ZNF354C: variants seen among roughly 807,000 people sequenced by gnomAD.
ZNF354C encodes KRAB-zinc finger protein synten.
In ZNF354C, 7 loss-of-function variants were observed where a neutral mutation model predicts 12.4. The ratio of observed to expected loss-of-function variants is 0.56; its 90% CI spans 0.32 to 1.06. The LOEUF is 1.06. ZNF354C is among the 50% of genes least tolerant of loss of function. The probability of loss-of-function intolerance (pLI) is 0.04; values close to 1 mark genes in which losing one functional copy is unlikely to be tolerated. For synonymous variants in ZNF354C, 202 were observed against 224.5 expected (o/e 0.90, Z 0.90); for missense variants, 609 against 658.0 (o/e 0.93, Z 0.81).
chr5:179,061,682 C>T (rs964005906), intron 1 of ZNF354C, among the ~76,000 whole-genome samples: 25 of 152,042 alleles, frequency 1.6e-4, no homozygotes, highest in African/African-American at 6.0e-4. Flanking sequence ...GCTAGCTAGG[C>T]TGGGAAGTGG....
chr5:179,071,647 A>G (rs1057462127), intron 2 of ZNF354C, among the ~76,000 whole-genome samples: 5 of 152,178 alleles, frequency 3.3e-5, no homozygotes, highest in Non-Finnish European at 7.3e-5. Context: ...CAGCACCAAC[A>G]GAATAATCAA....
chr5:179,061,992 C>T, intron 1 of ZNF354C, 23 bp from the exon 2 acceptor site: 1 of 1,546,332 alleles, frequency 6.5e-7, no homozygotes, highest in Non-Finnish European at 8.9e-7. Flanking sequence ...CAGGGTTCCT[C>T]TTGACACCTT....
intron 2 of ZNF354C, among the ~76,000 whole-genome samples, chr5:179,067,115 A>C (rs1375154284): frequency 1.3e-5 from 2 of 152,236 alleles, no homozygotes; most frequent in Non-Finnish European, 2.9e-5. Flanking sequence ...TTAGGAATGC[A>C]GGTGTGTGAG....
rs763240792 is a variant in ZNF354C at position 179,079,299 on chromosome 5, A to ACAT, written c.869_871dup (p.His290dup). The ACAT allele has an allele frequency of 8.7e-6, 14 of 1,614,192 alleles. No homozygotes were observed. Among genetic ancestry groups the ACAT allele is most frequent in the South Asian group, 2.2e-5 (2 of 91,086 alleles). On this transcript the variant is annotated inframe_insertion, in exon 5 of 5. Coordinates refer to ENST00000315475, the MANE Select transcript of ZNF354C (RefSeq NM_014594.3). This position sits in a 1 kb window ranked among gnomAD's most constrained non-coding sequence, Gnocchi z 4.2. ...TTAGCAACAGTTCAACCCTTATCAA[A>ACAT]CATCTGAGAGTGCATACTGGAGAGA...
At position 179,062,005 on chromosome 5, in the gene ZNF354C, T is replaced by TC; in HGVS notation, c.-54-8dup. ...GCCAGGGTTCCTCTTGACACCTTTT[T>TC]CCTCTGCAGACCCACCGTGTCCACA... is the stretch of plus-strand genomic sequence containing the variant. On this transcript the variant is annotated splice_polypyrimidine_tract_variant and intron_variant, in intron 1 of 4. Coordinates refer to ENST00000315475, the MANE Select transcript of ZNF354C (RefSeq NM_014594.3). 6.3e-7 allele frequency: 1 copy of TC among 1,594,228 alleles called. No individual in the cohort carries two copies. The highest frequency in any genetic ancestry group is 8.6e-7 in the Non-Finnish European group (1 of 1,162,116).
At chr5:179,067,375 T>C (rs1761971689) in intron 2 of ZNF354C, among the ~76,000 whole-genome samples, 1 of 152,206 alleles carries the variant, frequency 6.6e-6, no homozygotes. Flanking sequence ...AAAGGTGTAT[T>C]ATTTTACTAC....
intron 2 of ZNF354C, among the ~76,000 whole-genome samples, chr5:179,071,072 T>G (rs1172140466): frequency 6.6e-6 from 1 of 151,904 alleles, no homozygotes; most frequent in Non-Finnish European, 1.5e-5. Flanking sequence ...AGGATGGTCT[T>G]GATCTCCTGA....
Position 179,083,149 on chromosome 5 carries a change from TAAGAC to T in ZNF354C, c.*3057_*3061del. 2 of 494,526 alleles carry T rather than the reference TAAGAC, an allele frequency of 4.0e-6. No individual in the cohort carries two copies. Among genetic ancestry groups the T allele is most frequent in the Non-Finnish European group, 7.4e-6 (2 of 270,534 alleles). The allele number at this position is 494,526 out of a possible 1,614,324, so 30.6% of individuals were successfully genotyped here. On this transcript the variant is annotated 3_prime_UTR_variant, in exon 5 of 5. Coordinates refer to ENST00000315475, the MANE Select transcript of ZNF354C (RefSeq NM_014594.3). ...AAACAAAAAGTGGTCTCTGCTAGAT[TAAGAC>T]AAGAGACATAACCAAATGGAAAGTG...
At chr5:179,074,291 CTTTT>C (rs34702354) in intron 2 of ZNF354C, among the ~76,000 whole-genome samples, 1 of 139,414 alleles carries the variant, frequency 7.2e-6, no homozygotes, top group Non-Finnish European at 1.5e-5. Flanking sequence ...AATTTTTGTA[CTTTT>C]TTTTTTTTTT....
intron 2 of ZNF354C, among the ~76,000 whole-genome samples, chr5:179,067,947 G>C (rs1365940263): frequency 6.6e-6 from 1 of 152,162 alleles, no homozygotes; most frequent in African/African-American, 2.4e-5. Flanking sequence ...ATGGCTTAAG[G>C]CCAGGAGTTC....
intron 2 of ZNF354C, among the ~76,000 whole-genome samples, chr5:179,062,982 AT>A (rs775010087): frequency 6.6e-6 from 1 of 152,014 alleles, no homozygotes; most frequent in Non-Finnish European, 1.5e-5. Flanking sequence ...CCTGTCTGTC[AT>A]TCCGACGTGG....
chr5:179,079,420 T>C lies in ZNF354C; in HGVS notation c.988T>C (p.Cys330Arg), dbSNP rs2113126422. The C allele has an allele frequency of 1.9e-6, 3 of 1,614,006 alleles. No homozygotes were observed. In the Middle Eastern group the frequency reaches 4.9e-4, roughly 266 times the overall value. ...TCATACTGGAGAGAAACTCTATAAA[T>C]GCGGCGAATGTGAGAAGGCCTTCAA... ...RIHTGEKLYK[C>R]GECEKAFNCR... The change falls in exon 5 of 5, where the codon TGC (cysteine) becomes CGC (arginine). Residue 330 changes from cysteine (C) to arginine (R), a missense_variant. By Grantham distance (180) the Cys-to-Arg change is radical (BLOSUM62 -3). Transcript: ENST00000315475. This position sits in a 1 kb window ranked among gnomAD's most constrained non-coding sequence, Gnocchi z 4.2.
intron 2 of ZNF354C, among the ~76,000 whole-genome samples, chr5:179,075,737 G>A (rs1474910565): frequency 6.6e-6 from 1 of 152,054 alleles, no homozygotes; most frequent in East Asian, 1.9e-4. Context: ...AATATATGAA[G>A]GTCAAATTCC....
Position 179,079,139 on chromosome 5 carries a change from G to T in ZNF354C, c.707G>T (p.Arg236Ile), listed in dbSNP as rs1387596717. The change falls in exon 5 of 5, where the codon AGA becomes ATA. Residue 236 changes from arginine to isoleucine, a missense_variant. Transcript: ENST00000315475. This position sits in a 1 kb window ranked among gnomAD's most constrained non-coding sequence, Gnocchi z 4.2. The part of the protein sequence containing the change: ...KQNLHLIEHQ[R>I]IHTGEKPYKC... ...AATCTGCATCTTATTGAACATCAGA[G>T]AATTCATACAGGTGAGAAACCCTAC... is the stretch of plus-strand genomic sequence containing the variant. The T allele has an allele frequency of 7.4e-6, 12 of 1,613,814 alleles. No individual in the cohort carries two copies. The highest frequency in any genetic ancestry group is 1.1e-5 in the South Asian group (1 of 91,076).
Position 179,077,129 on chromosome 5 carries a change from C to T in ZNF354C, c.213C>T (p.Cys71=). The T allele has an allele frequency of 3.7e-6, 6 of 1,614,106 alleles. No homozygotes were observed. Among genetic ancestry groups the T allele is most frequent in the Non-Finnish European group, 5.1e-6 (6 of 1,180,024 alleles). ...IHQLQQGEDP[C]MVEREVPSDT... is the part of the protein sequence containing the mutation. ...AGTTGCAGCAAGGAGAAGATCCCTG[C>T]ATGGTGGAAAGAGAAGTCCCTTCAG... The change falls in exon 4 of 5, where the codon TGC becomes TGT. Residue 71 remains cysteine, a synonymous_variant. Coordinates refer to ENST00000315475, the MANE Select transcript of ZNF354C (RefSeq NM_014594.3).
rs1054764442 is a variant in ZNF354C, at chr5:179,080,158, C to A, written c.*61C>A. On this transcript the variant is annotated 3_prime_UTR_variant, in exon 5 of 5. Coordinates refer to ENST00000315475, the MANE Select transcript of ZNF354C (RefSeq NM_014594.3). ...GAATAAGGGAATAATAAATAGGGTA[C>A]AAACTCCTAATAGATTTGTCTTTTT... 5.9e-5 allele frequency: 74 copies of A among 1,252,456 alleles called. No homozygotes were observed. Among genetic ancestry groups the A allele is most frequent in the Non-Finnish European group, 8.1e-5 (73 of 903,832 alleles). 77.6% of individuals were successfully genotyped at this position (1,252,456 alleles called of 1,614,324 possible). A position where few individuals can be genotyped will look rare whatever the true frequency, so the allele number is the denominator to read the frequency against.
intron 2 of ZNF354C, among the ~76,000 whole-genome samples, chr5:179,075,755 T>C (rs978344657): frequency 4.6e-5 from 7 of 152,204 alleles, no homozygotes; most frequent in African/African-American, 1.7e-4. Context: ...TCCAGTGTCA[T>C]AGAGATCTAC....
At chr5:179,063,291 G>T (rs930926588) in intron 2 of ZNF354C, among the ~76,000 whole-genome samples, 92 of 152,330 alleles carry the variant, frequency 6.0e-4, no homozygotes, top group African/African-American at 2.1e-3. Context: ...GGGCACAGTA[G>T]CTCACGCCTA....
At chr5:179,070,993 C>T (rs1484685942) in intron 2 of ZNF354C, among the ~76,000 whole-genome samples, 2 of 151,700 alleles carry the variant, frequency 1.3e-5, no homozygotes, top group Admixed American at 6.6e-5. Flanking sequence ...GGACTACAGG[C>T]GCCTGCCACC....
Sources: gnomAD v4.1 joint callset for allele counts (sites outside exome capture counted in the v4.1 genomes callset) on GRCh38, gnomAD v4.1.1 for gene constraint, Gnocchi (gnomAD v3.1) non-coding constraint, MANE v1.5 for transcripts, NCBI Gene and HGNC (gene_info 2026-07-23, HGNC 2026-07-21) for gene names.